SRGAP1: variants seen among roughly 807,000 people sequenced by gnomAD.
The protein encoded by SRGAP1 is SLIT-ROBO Rho GTPase-activating protein 1.
Under a neutral mutation model 121.9 loss-of-function variants are expected in SRGAP1, and 43 were observed. The observed-to-expected ratio is 0.35, with a 90% confidence interval of 0.28 to 0.46. The LOEUF is 0.46. Among genes scored for constraint, SRGAP1 ranks in the 20% least tolerant of loss-of-function variants. The probability of loss-of-function intolerance (pLI) is 1.00; values close to 1 mark genes in which losing one functional copy is unlikely to be tolerated. For missense variants in SRGAP1, 1,102 were observed against 1,350.9 expected, an observed-to-expected ratio of 0.82 and a Z score of 2.89; for synonymous variants, 447 against 485.4, an observed-to-expected ratio of 0.92 and a Z score of 1.04.
At chr12:63,901,989 T>C (rs910486213) in intron 1 of SRGAP1, among the ~76,000 whole-genome samples, 5 of 152,220 alleles carry the variant, frequency 3.3e-5, no homozygotes, top group African/African-American at 7.2e-5. Context: ...TGTTTGGACT[T>C]TATAGTACTT....
intron 1 of SRGAP1, among the ~76,000 whole-genome samples, chr12:63,915,111 A>G (rs1224840087): frequency 6.6e-6 from 1 of 152,260 alleles, no homozygotes; most frequent in Non-Finnish European, 1.5e-5. Context: ...AGAGTCAAAT[A>G]AAAGTATATT....
At chr12:64,002,775 C>T (rs751919562) in intron 3 of SRGAP1, among the ~76,000 whole-genome samples, 7 of 151,914 alleles carry the variant, frequency 4.6e-5, no homozygotes, top group Non-Finnish European at 8.8e-5. Flanking sequence ...ATTTGTATTC[C>T]GAATCCAACC....
In SRGAP1 at chr12:64,088,257, A is replaced by G. The variant is rs572636308; in HGVS notation, c.1436+1231A>G. ...CACTGAGGTTTTTCTTCACTGTGTCAGTGAAAAAGAAGACTATTACCTCGA... is the reference window on the plus strand; with the variant it reads ...CACTGAGGTTTTTCTTCACTGTGTCGGTGAAAAAGAAGACTATTACCTCGA... On this transcript the variant is annotated intron_variant, in intron 11 of 21. Coordinates refer to ENST00000355086, the MANE Select transcript of SRGAP1 (RefSeq NM_020762.4). 2.6e-5 allele frequency among the ~76,000 whole-genome samples: 4 copies of G among 152,332 alleles called. No homozygotes were observed. The East Asian group carries it at 7.7e-4, about 29-fold the overall frequency.
intron 8 of SRGAP1, among the ~76,000 whole-genome samples, chr12:64,073,258 G>A (rs2035675070): frequency 6.6e-6 from 1 of 152,102 alleles, no homozygotes; most frequent in African/African-American, 2.4e-5. Flanking sequence ...TGACACCATT[G>A]CTTCTGAGAA....
intron 18 of SRGAP1, among the ~76,000 whole-genome samples, chr12:64,117,350 G>A (rs781259979): frequency 6.6e-6 from 1 of 152,052 alleles, no homozygotes; most frequent in East Asian, 1.9e-4. Context: ...GCTTGGTTTT[G>A]TATTTAGTTG....
At position 64,162,196 on chromosome 12, in the gene SRGAP1, T is replaced by G. The variant is rs1041812986; in HGVS notation, c.*19524T>G. ...CTAAAAACCACTGAATTGTATCCAA[T>G]AAAGTACTAAATTGTATGATATATG... On this transcript the variant is annotated 3_prime_UTR_variant, in exon 22 of 22. Transcript: ENST00000355086. 1.3e-5 allele frequency: 2 copies of G among 152,126 alleles called. No individual in the cohort carries two copies. The highest frequency in any genetic ancestry group is 4.8e-5 in the African/African-American group (2 of 41,410). The allele number at this position is 152,126 out of a possible 1,614,324, so 9.4% of individuals were successfully genotyped here.
intron 4 of SRGAP1, 95 bp downstream of exon 4, chr12:64,017,107 G>A: frequency 1.4e-6 from 1 of 711,016 alleles, no homozygotes; most frequent in Non-Finnish European, 2.3e-6. Flanking sequence ...CCAAGCCAGA[G>A]TGACAATGGA....
rs975840506 is a variant in SRGAP1, at chr12:63,891,949, C to A, written c.67+47066C>A. On this transcript the variant is annotated intron_variant, in intron 1 of 21. Transcript: ENST00000355086. ...TGCAGTGAGCTGAGACTGTACTACT[C>A]CACTCCATCCTGGGCCACAGAGCAA... Among the ~76,000 whole-genome samples the A allele has an allele frequency of 3.4e-5, 5 of 146,554 alleles. No individual in the cohort carries two copies. In the South Asian group the frequency reaches 6.5e-4, roughly 19 times the overall value.
At position 64,128,174 on chromosome 12, in the gene SRGAP1, C is replaced by T. The variant is rs745637892; in HGVS notation, c.2854C>T (p.Pro952Ser). 13 of 1,611,692 alleles carry T rather than the reference C, an allele frequency of 8.1e-6. No homozygotes were observed. Among genetic ancestry groups the T allele is most frequent in the African/African-American group, 1.3e-5 (1 of 74,890 alleles). The stretch of plus-strand genomic sequence containing the variant: ...ATACACGGGCTTCAATGACCACAAG[C>T]CACTGGACCCAGAGACAATTGCTCA... ...GQYTGFNDHK[P>S]LDPETIAQDI... Residue 952 changes from proline to serine, a missense_variant, in exon 21 of 22, where the codon CCA (proline) becomes TCA (serine). By Grantham distance (74) the Pro-to-Ser change is moderately conservative (BLOSUM62 -1). Around this residue, in one of 3 missense-constraint regions of SRGAP1, gnomAD observed 315 missense variants for 343.1 expected, o/e 0.92. Transcript: ENST00000355086.
chr12:64,050,871 A>G (rs1055275375), intron 6 of SRGAP1, among the ~76,000 whole-genome samples: 14 of 152,082 alleles, frequency 9.2e-5, no homozygotes, highest in Admixed American at 2.0e-4. Context: ...ACAGGTACGG[A>G]CCACCATGCC....
rs199668951 is a variant in SRGAP1, at chr12:64,007,178, AAGG to A, written c.427-9769_427-9767del. ...AATAATGAACCGTTATCTGTGAGGCAAGGAGAATTTGCTCTGATTTCTGTAAAC... is the reference window on the plus strand; with the variant it reads ...AATAATGAACCGTTATCTGTGAGGCAAGAATTTGCTCTGATTTCTGTAAAC... On this transcript the variant is annotated intron_variant, in intron 3 of 21. Transcript: ENST00000355086. Among the ~76,000 whole-genome samples the A allele has an allele frequency of 5.4e-4, 82 of 152,280 alleles. No individual in the cohort carries two copies. In the East Asian group the frequency reaches 0.012, roughly 23 times the overall value.
In SRGAP1 at chr12:64,067,424, T is replaced by C. The variant is rs570514905; in HGVS notation, c.1125+2205T>C. Among the ~76,000 whole-genome samples, 5 of 151,860 alleles carry C rather than the reference T, an allele frequency of 3.3e-5. No individual in the cohort carries two copies. In the South Asian group the frequency reaches 1.0e-3, roughly 32 times the overall value. ...GACCCTGTCTCTTAAAAATATTAAT[T>C]AATTAAAATAAATTTTTAAAAACCT... On this transcript the variant is annotated intron_variant, in intron 8 of 21. Coordinates refer to ENST00000355086, the MANE Select transcript of SRGAP1 (RefSeq NM_020762.4).
chr12:63,880,714 C>T (rs953432802), intron 1 of SRGAP1, among the ~76,000 whole-genome samples: 1 of 152,184 alleles, frequency 6.6e-6, no homozygotes, highest in African/African-American at 2.4e-5. Flanking sequence ...GTTCTGGCAG[C>T]ACCTCCCATT....
rs999451734 is a variant in SRGAP1, at chr12:63,930,755, A to G, written c.68-53192A>G. Among the ~76,000 whole-genome samples the G allele has an allele frequency of 6.9e-5, 10 of 144,428 alleles. No individual in the cohort carries two copies. The East Asian group carries it at 1.9e-3, about 28-fold the overall frequency. The allele number at this position is 144,428 out of a possible 152,430, so 94.8% of individuals were successfully genotyped here. A position where few individuals can be genotyped will look rare whatever the true frequency, so the allele number is the denominator to read the frequency against. The stretch of plus-strand genomic sequence containing the variant: ...AGATGATCTTACTCATTGGGATTGG[A>G]AAAAAAAAATTCAAAAAGCGTCAAG... On this transcript the variant is annotated intron_variant, in intron 1 of 21. Coordinates refer to ENST00000355086, the MANE Select transcript of SRGAP1 (RefSeq NM_020762.4).
intron 3 of SRGAP1, among the ~76,000 whole-genome samples, chr12:63,993,902 A>G (rs746062637): frequency 3.3e-5 from 5 of 152,212 alleles, no homozygotes; most frequent in Non-Finnish European, 7.3e-5. Flanking sequence ...ACAATATTCA[A>G]CTATTCAAAT....
intron 1 of SRGAP1, among the ~76,000 whole-genome samples, chr12:63,930,116 A>G (rs1480404364): frequency 6.6e-6 from 1 of 152,176 alleles, no homozygotes; most frequent in Non-Finnish European, 1.5e-5. Flanking sequence ...TTAGTTCAAA[A>G]GATCCATTTT....
intron 21 of SRGAP1, among the ~76,000 whole-genome samples, chr12:64,136,095 G>C (rs2036852105): frequency 6.6e-6 from 1 of 152,110 alleles, no homozygotes; most frequent in Non-Finnish European, 1.5e-5. Flanking sequence ...CCAGATTAGG[G>C]GTAGGTCTGC....
intron 21 of SRGAP1, among the ~76,000 whole-genome samples, chr12:64,141,287 A>AAGAAAG (rs1555177612): frequency 7.6e-5 from 11 of 144,676 alleles, no homozygotes; most frequent in African/African-American, 2.8e-4. Context: ...AAAAAAAAAA[A>AAGAAAG]AAAGAAAAAC....
At chr12:63,945,769 G>A (rs1160641466) in intron 1 of SRGAP1, among the ~76,000 whole-genome samples, 1 of 152,162 alleles carries the variant, frequency 6.6e-6, no homozygotes, top group Non-Finnish European at 1.5e-5. Flanking sequence ...GGGTGAAGTG[G>A]CTCTCTTTAG....
Sources: gnomAD v4.1 joint callset for allele counts (sites outside exome capture counted in the v4.1 genomes callset) on GRCh38, gnomAD v4.1.1 for gene constraint, gnomAD v4.1.1 regional missense constraint, MANE v1.5 for transcripts, NCBI Gene and HGNC (gene_info 2026-07-23, HGNC 2026-07-21) for gene names.